PRKN: variants seen among roughly 807,000 people sequenced by gnomAD.
PRKN encodes the protein parkin RBR E3 ubiquitin protein ligase.
Under a neutral mutation model 59.5 loss-of-function variants are expected in PRKN, and 56 were observed. The ratio of observed to expected loss-of-function variants is 0.94; its 90% CI spans 0.76 to 1.18. PRKN has a LOEUF of 1.18. Ranked by LOEUF, PRKN falls within the 50% of genes most tolerant of loss-of-function variation. The pLI, the probability that PRKN is intolerant of heterozygous loss-of-function variation, is 0.00. For missense variants in PRKN, 657 were observed against 596.4 expected, an observed-to-expected ratio of 1.10 and a Z score of -1.06; for synonymous variants, 250 against 222.1, an observed-to-expected ratio of 1.13 and a Z score of -1.12.
chr6:161,526,747 G>A lies in PRKN; in HGVS notation c.1083+22107C>T, dbSNP rs1048396424. ...GACTTTCTTTATCCTCTGAAGGTTC[G>A]ATAATGTAGTCTATGAAATAAACTG... On this transcript the variant is annotated intron_variant, in intron 9 of 11. Coordinates refer to ENST00000366898, the MANE Select transcript of PRKN (RefSeq NM_004562.3). The surrounding 1 kb of genome is among the most constrained non-coding windows in gnomAD (Gnocchi z 4.1). Among the ~76,000 whole-genome samples, 3 of 152,056 alleles carry A rather than the reference G, an allele frequency of 2.0e-5. No individual in the cohort carries two copies. Among genetic ancestry groups the A allele is most frequent in the African/African-American group, 7.2e-5 (3 of 41,408 alleles).
At chr6:161,731,514 G>C (rs1787710114) in intron 7 of PRKN, among the ~76,000 whole-genome samples, 1 of 152,206 alleles carries the variant, frequency 6.6e-6, no homozygotes, top group African/African-American at 2.4e-5. Flanking sequence ...AAAAGTAAAA[G>C]TATGTATTTT....
intron 9 of PRKN, among the ~76,000 whole-genome samples, chr6:161,472,053 G>A (rs540408497): frequency 6.6e-6 from 1 of 152,182 alleles, no homozygotes; most frequent in East Asian, 1.9e-4. Flanking sequence ...ACCATGTTAA[G>A]AAGGAAGGAC....
intron 1 of PRKN, among the ~76,000 whole-genome samples, chr6:162,527,730 GGAGT>G (rs1778346035): frequency 6.6e-6 from 1 of 152,124 alleles, no homozygotes; most frequent in South Asian, 2.1e-4. Flanking sequence ...ATTTTTAAAA[GGAGT>G]GAGGAGGGAA....
intron 1 of PRKN, among the ~76,000 whole-genome samples, chr6:162,723,529 G>A (rs1038396510): frequency 3.3e-5 from 5 of 152,288 alleles, no homozygotes; most frequent in African/African-American, 1.2e-4. Context: ...GTCAGTCTCA[G>A]GAAGGACGTC....
chr6:162,223,128 G>A (rs1031327635), intron 3 of PRKN, among the ~76,000 whole-genome samples: 29 of 151,234 alleles, frequency 1.9e-4, no homozygotes, highest in Non-Finnish European at 3.5e-4. Context: ...TTGTCCTTGC[G>A]ATAGTTTACT....
intron 2 of PRKN, among the ~76,000 whole-genome samples, chr6:162,329,337 G>A (rs1783469256): frequency 6.6e-6 from 1 of 152,106 alleles, no homozygotes; most frequent in Admixed American, 6.5e-5. Flanking sequence ...GATAGCCAGT[G>A]GGCATATACG....
chr6:162,292,190 C>T (rs1343497599), intron 2 of PRKN, among the ~76,000 whole-genome samples: 1 of 152,036 alleles, frequency 6.6e-6, no homozygotes, highest in Non-Finnish European at 1.5e-5. Context: ...TCTCCAACTC[C>T]TGACCTCAGG....
rs1169955232 is a variant in PRKN at position 162,273,358 on chromosome 6, G to A, written c.172-10593C>T. Reference sequence around the variant, plus strand: ...CACAACAATACTTACTAAATAAAAAGGAGAAAAAAAGCAAACTCTAAAACT... The same window carrying A: ...CACAACAATACTTACTAAATAAAAAAGAGAAAAAAAGCAAACTCTAAAACT... On this transcript the variant is annotated intron_variant, in intron 2 of 11. Coordinates refer to ENST00000366898, the MANE Select transcript of PRKN (RefSeq NM_004562.3). 3.3e-5 allele frequency among the ~76,000 whole-genome samples: 5 copies of A among 151,960 alleles called. No individual in the cohort carries two copies. The South Asian group carries it at 1.0e-3, about 32-fold the overall frequency.
At chr6:162,611,232 C>T (rs1782132640) in intron 1 of PRKN, among the ~76,000 whole-genome samples, 1 of 152,072 alleles carries the variant, frequency 6.6e-6, no homozygotes, top group South Asian at 2.1e-4. Context: ...GTTTCTCGAG[C>T]CTTGTTCTCT....
chr6:162,180,740 T>C (rs1783767293), intron 4 of PRKN, among the ~76,000 whole-genome samples: 2 of 152,310 alleles, frequency 1.3e-5, no homozygotes, highest in South Asian at 2.1e-4. Flanking sequence ...AACCAATATA[T>C]ACATAGCCTA....
intron 1 of PRKN, among the ~76,000 whole-genome samples, chr6:162,597,129 T>G (rs915524664): frequency 6.6e-5 from 10 of 152,232 alleles, no homozygotes; most frequent in Non-Finnish European, 1.2e-4. Context: ...TTGTGTTAAT[T>G]TAAACTTGAT....
rs1294879895 is a variant in PRKN, at chr6:161,405,648, AAATT to A, written c.1084-18775_1084-18772del. 4.2e-5 allele frequency among the ~76,000 whole-genome samples: 6 copies of A among 143,196 alleles called. No individual in the cohort carries two copies. The highest frequency in any genetic ancestry group is 1.5e-4 in the African/African-American group (6 of 39,558). 93.9% of individuals were successfully genotyped at this position (143,196 alleles called of 152,430 possible). ...TAAATAAATAAATAAATAAATAAAT[AAATT>A]TGGGTCCACCATAATCAGCATTTTG... is the stretch of plus-strand genomic sequence containing the variant. On this transcript the variant is annotated intron_variant, in intron 9 of 11. Transcript: ENST00000366898. The surrounding 1 kb of genome is among the most constrained non-coding windows in gnomAD (Gnocchi z 5.1).
intron 2 of PRKN, among the ~76,000 whole-genome samples, chr6:162,333,943 T>C (rs1035523036): frequency 6.6e-5 from 10 of 152,188 alleles, no homozygotes; most frequent in African/African-American, 2.4e-4. Flanking sequence ...AACAGCCATA[T>C]TGCTGATATG....
At chr6:161,695,829 GT>G (rs1785998513) in intron 7 of PRKN, among the ~76,000 whole-genome samples, 1 of 152,124 alleles carries the variant, frequency 6.6e-6, no homozygotes. Context: ...GTGAGGAGGT[GT>G]TTTTCAATTC....
intron 1 of PRKN, among the ~76,000 whole-genome samples, chr6:162,645,937 A>T (rs1490411836): frequency 6.8e-6 from 1 of 146,612 alleles, no homozygotes; most frequent in Non-Finnish European, 1.5e-5. Context: ...TGCAGTGGCA[A>T]GATCTCAGCT....
intron 7 of PRKN, among the ~76,000 whole-genome samples, chr6:161,671,248 C>T (rs1306997445): frequency 1.3e-5 from 2 of 152,100 alleles, no homozygotes; most frequent in Non-Finnish European, 2.9e-5. Flanking sequence ...GGCAGCAGTG[C>T]ACCTCCTTCT....
At chr6:162,544,130 T>A (rs1227161196) in intron 1 of PRKN, among the ~76,000 whole-genome samples, 1 of 152,146 alleles carries the variant, frequency 6.6e-6, no homozygotes, top group Admixed American at 6.5e-5. Flanking sequence ...GAGAAGAAAC[T>A]AACCAAGGAA....
chr6:161,617,671 A>G (rs182676527), intron 7 of PRKN, among the ~76,000 whole-genome samples: 14 of 152,260 alleles, frequency 9.2e-5, no homozygotes, highest in Admixed American at 3.9e-4. Context: ...ATTTTTTCTT[A>G]TTTCTTTTTA....
At chr6:162,173,498 C>A (rs748178283) in intron 4 of PRKN, among the ~76,000 whole-genome samples, 1 of 150,652 alleles carries the variant, frequency 6.6e-6, no homozygotes, top group Admixed American at 6.6e-5. Context: ...ATGTGGAGTG[C>A]GTCCTGGACA....
Sources: allele counts gnomAD v4.1 joint callset (sites outside exome capture counted in the v4.1 genomes callset), GRCh38; gene constraint gnomAD v4.1.1; non-coding constraint Gnocchi (gnomAD v3.1); transcripts MANE v1.5; gene names NCBI Gene and HGNC (gene_info 2026-07-23, HGNC 2026-07-21).